ACLY: variants seen among roughly 807,000 people sequenced by gnomAD.
ACLY encodes ATP citrate lyase.
A neutral mutation model predicts 133.0 loss-of-function variants in ACLY; 41 were observed. The ratio of observed to expected loss-of-function variants is 0.31; its 90% CI spans 0.24 to 0.40. The LOEUF (loss-of-function observed/expected upper bound fraction) is 0.40, where lower values mean the gene tolerates loss of function less well. Among genes scored for constraint, ACLY ranks in the 10% least tolerant of loss-of-function variants. The pLI is 1.00. For missense variants in ACLY, 1,046 were observed against 1,453.8 expected (o/e 0.72, Z 4.56); for synonymous variants, 495 against 549.3 (o/e 0.90, Z 1.38).
intron 3 of ACLY, among the ~76,000 whole-genome samples, chr17:41,910,828 G>A (rs75983957): frequency 1.7e-3 from 256 of 152,290 alleles, no homozygotes; most frequent in African/African-American, 5.5e-3. Context: ...CGGCTGTGGC[G>A]AGACAGCCCT....
chr17:41,901,285 T>C (rs1391542485), intron 11 of ACLY, among the ~76,000 whole-genome samples: 3 of 152,088 alleles, frequency 2.0e-5, no homozygotes, highest in African/African-American at 7.2e-5. Context: ...GATCTCCCTG[T>C]TGAAGGCTGC....
chr17:41,912,587 A>T, intron 2 of ACLY, 45 bp from the exon 3 acceptor site: 2 of 1,612,326 alleles, frequency 1.2e-6, no homozygotes, highest in Non-Finnish European at 1.7e-6. Context: ...AGAATTAGAT[A>T]AACCGTAGTA....
At chr17:41,916,360 G>GT (rs1286651841) in intron 1 of ACLY, among the ~76,000 whole-genome samples, 1 of 148,546 alleles carries the variant, frequency 6.7e-6, no homozygotes, top group Admixed American at 6.6e-5. Context: ...GAGGTCTTCT[G>GT]TTTTTTTGTT....
chr17:41,877,827 C>A (rs561557854), intron 22 of ACLY, among the ~76,000 whole-genome samples: 83 of 152,260 alleles, frequency 5.5e-4, no homozygotes, highest in African/African-American at 2.0e-3. Context: ...CCTCAAACAT[C>A]GGACTCCAAG....
At chr17:41,906,984 G>GT (rs1555632798) in intron 7 of ACLY, among the ~76,000 whole-genome samples, 2 of 151,688 alleles carry the variant, frequency 1.3e-5, no homozygotes, top group Admixed American at 1.3e-4. Context: ...CCCATCACAC[G>GT]TCCCCCCAAC....
At chr17:41,891,518 TCAGC>T (rs1567897688) in intron 16 of ACLY, among the ~76,000 whole-genome samples, 1 of 151,930 alleles carries the variant, frequency 6.6e-6, no homozygotes, top group East Asian at 1.9e-4. Context: ...TCATCCTACC[TCAGC>T]CAGCACATGC....
chr17:41,909,028 C>G lies in ACLY; in HGVS notation c.577G>C (p.Glu193Gln). The G allele has an allele frequency of 6.2e-7, 1 of 1,613,324 alleles. No homozygotes were observed. The highest frequency in any genetic ancestry group is 8.5e-7 in the Non-Finnish European group (1 of 1,179,940). ...TCGAGGTAGGTGAAGTACAAGTCCT[C>G]GTAGAAATTGAAGAGGCCGGAGATA... is the stretch of plus-strand genomic sequence containing the variant. ...SFISGLFNFY[E>Q]DLYFTYLEIN... Residue 193 changes from glutamate (E) to glutamine (Q), a missense_variant, in exon 6 of 29, where the codon GAG becomes CAG. Coordinates refer to ENST00000352035, the MANE Select transcript of ACLY (RefSeq NM_001096.3).
intron 1 of ACLY, among the ~76,000 whole-genome samples, chr17:41,924,563 T>C (rs2050219963): frequency 1.3e-5 from 2 of 152,124 alleles, no homozygotes; most frequent in Non-Finnish European, 1.5e-5. Flanking sequence ...TCATCCACCC[T>C]GTGAAGAGCC....
At chr17:41,916,911 A>G (rs1366399043) in intron 1 of ACLY, among the ~76,000 whole-genome samples, 1 of 151,878 alleles carries the variant, frequency 6.6e-6, no homozygotes, top group East Asian at 2.0e-4. Flanking sequence ...TCGGGAGGCC[A>G]AGGAGGGCAA....
At chr17:41,893,245 C>G in intron 14 of ACLY, 71 bp from the exon 15 acceptor site, 3 of 1,510,062 alleles carry the variant, frequency 2.0e-6, no homozygotes. Context: ...GCCAGGGCTG[C>G]CTGACAGACC....
chr17:41,878,919 C>T lies in ACLY; in HGVS notation c.2271G>A (p.Gln757=), dbSNP rs1291925172. ...TGGCACAAGCTCCAGCATGGCCAAA[C>T]TGGACCTGGAAAGCAAAGGAAAGTA... The part of the protein sequence containing the change: ...TCATMFSSEV[Q]FGHAGACANQ... Residue 757 remains glutamine (Q), a synonymous_variant, in exon 21 of 29, where the codon CAG becomes CAA. Transcript: ENST00000352035. 1.2e-6 allele frequency: 2 copies of T among 1,613,974 alleles called. No homozygotes were observed. Among genetic ancestry groups the T allele is most frequent in the African/African-American group, 2.7e-5 (2 of 74,936 alleles).
chr17:41,883,123 T>C lies in ACLY; in HGVS notation c.2264A>G (p.Glu755Gly). The change falls in exon 20 of 29, where the codon GAG (glutamate) becomes GGG (glycine). Residue 755 changes from glutamate (E) to glycine (G), a missense_variant and splice_region_variant. Around this residue, in one of 4 missense-constraint regions of ACLY, gnomAD observed 575 missense variants for 804.2 expected, o/e 0.71. Coordinates refer to ENST00000352035, the MANE Select transcript of ACLY (RefSeq NM_001096.3). ...AGAAGTGACCCATCTCAGCCATACC[T>C]CAGAGGAGAACATGGTGGCACACGT... ...IGTCATMFSS[E>G]VQFGHAGACA... 1.9e-6 allele frequency: 3 copies of C among 1,613,510 alleles called. No homozygotes were observed. The highest frequency in any genetic ancestry group is 2.5e-6 in the Non-Finnish European group (3 of 1,179,832).
chr17:41,917,811 C>T (rs1212972640), intron 1 of ACLY, among the ~76,000 whole-genome samples: 1 of 152,066 alleles, frequency 6.6e-6, no homozygotes, highest in African/African-American at 2.4e-5. Flanking sequence ...ACTACCGCCC[C>T]CCAAGCTGTT....
chr17:41,912,377 TTC>T lies in ACLY; in HGVS notation c.282+41_282+42del, dbSNP rs782407407. 11 of 1,601,984 alleles carry T rather than the reference TTC, an allele frequency of 6.9e-6. No homozygotes were observed. The East Asian group carries it at 2.5e-4, about 36-fold the overall frequency. ...CTGACCTGGAGGTGACCATATTTGC[TTC>T]TGTTACCACACACGTTCATCCTGAC... On this transcript the variant is annotated intron_variant, in intron 3 of 28. Transcript: ENST00000352035.
intron 22 of ACLY, among the ~76,000 whole-genome samples, chr17:41,874,921 G>GC (rs2048693685): frequency 3.8e-5 from 1 of 26,346 alleles, no homozygotes; most frequent in African/African-American, 1.4e-4. Context: ...TTGTGTTATA[G>GC]CAAAAAAAAA....
intron 18 of ACLY, among the ~76,000 whole-genome samples, chr17:41,885,825 C>G (rs2049033333): frequency 6.6e-6 from 1 of 152,202 alleles, no homozygotes; most frequent in African/African-American, 2.4e-5. Flanking sequence ...AGAACTGGCC[C>G]TCCTAACCAC....
chr17:41,903,135 T>C (rs1373434064), intron 10 of ACLY, among the ~76,000 whole-genome samples: 3 of 152,114 alleles, frequency 2.0e-5, no homozygotes, highest in Admixed American at 2.0e-4. Context: ...ACTTATCTAG[T>C]CATTATTCTC....
intron 15 of ACLY, 34 bp downstream of exon 15, chr17:41,892,999 G>A (rs781930648): frequency 2.5e-6 from 4 of 1,602,736 alleles, no homozygotes; most frequent in East Asian, 2.2e-5. Flanking sequence ...TCTTAGCAGA[G>A]GAAGGAGATA....
chr17:41,910,175 A>G, intron 4 of ACLY, 47 bp downstream of exon 4: 2 of 1,580,676 alleles, frequency 1.3e-6, no homozygotes, highest in Non-Finnish European at 8.7e-7. Flanking sequence ...GACAAACCCA[A>G]GGTTCCAGGA....
Sources: allele counts gnomAD v4.1 joint callset (sites outside exome capture counted in the v4.1 genomes callset), GRCh38; gene constraint gnomAD v4.1.1; regional missense constraint gnomAD v4.1.1; transcripts MANE v1.5; gene names NCBI Gene and HGNC (gene_info 2026-07-23, HGNC 2026-07-21).